ITGA9: variants seen among roughly 807,000 people sequenced by gnomAD.
ITGA9 encodes the protein integrin alpha-9.
In ITGA9, 56 loss-of-function variants were observed where a neutral mutation model predicts 127.8. The observed-to-expected ratio is 0.44, with a 90% CI of 0.35 to 0.55. The LOEUF (loss-of-function observed/expected upper bound fraction) is 0.55, where lower values mean the gene tolerates loss of function less well. Among genes scored for constraint, ITGA9 ranks in the 20% least tolerant of loss-of-function variants. The pLI, the probability that ITGA9 is intolerant of heterozygous loss-of-function variation, is 0.00. For synonymous variants in ITGA9, 508 were observed against 514.5 expected (o/e 0.99, Z 0.17); for missense variants, 1,196 against 1,347.1 (o/e 0.89, Z 1.76).
At chr3:37,780,107 G>A (rs1696958947) in intron 25 of ITGA9, 86 bp downstream of exon 25, 1 of 1,539,844 alleles carries the variant, frequency 6.5e-7, no homozygotes. Flanking sequence ...AAAGGAAAAA[G>A]GAAAGCATTT....
intron 21 of ITGA9, 137 bp from the exon 22 acceptor site, chr3:37,743,789 G>A (rs956411393): frequency 1.4e-6 from 1 of 721,126 alleles, no homozygotes; most frequent in African/African-American, 1.7e-5. Flanking sequence ...GACTGGCTAT[G>A]TAACAGCCCC....
intron 15 of ITGA9, among the ~76,000 whole-genome samples, chr3:37,581,265 G>A (rs1699707089): frequency 6.6e-6 from 1 of 152,198 alleles, no homozygotes; most frequent in South Asian, 2.1e-4. Context: ...GGGAACAGAC[G>A]GAAGCAGTGA....
intron 15 of ITGA9, among the ~76,000 whole-genome samples, chr3:37,586,514 G>A (rs930535982): frequency 1.3e-5 from 2 of 152,194 alleles, no homozygotes; most frequent in Admixed American, 6.5e-5. Context: ...TTTTAGGAAT[G>A]CCATTTGGCA....
intron 10 of ITGA9, among the ~76,000 whole-genome samples, chr3:37,517,999 A>G (rs529996246): frequency 6.6e-6 from 1 of 152,200 alleles, no homozygotes; most frequent in South Asian, 2.1e-4. Flanking sequence ...ATGCTCTACC[A>G]TGTTGATGGG....
chr3:37,505,428 A>C (rs942624997), intron 6 of ITGA9, among the ~76,000 whole-genome samples: 4 of 152,240 alleles, frequency 2.6e-5, no homozygotes, highest in Non-Finnish European at 5.9e-5. Context: ...ATTACTCAAT[A>C]ATAAAAAGAA....
chr3:37,722,525 G>A (rs1356336588), intron 18 of ITGA9, among the ~76,000 whole-genome samples: 2 of 152,256 alleles, frequency 1.3e-5, no homozygotes, highest in African/African-American at 4.8e-5. Flanking sequence ...CTCTAGATTT[G>A]CCTATTCTGG....
intron 14 of ITGA9, 98 bp from the exon 15 acceptor site, chr3:37,542,327 A>G (rs1699281153): frequency 3.9e-6 from 5 of 1,292,464 alleles, no homozygotes; most frequent in Non-Finnish European, 5.6e-6. Flanking sequence ...GGTAGGTATC[A>G]TATGAGATGT....
At position 37,519,286 on chromosome 3, in the gene ITGA9, G is replaced by A. The variant is rs1699020674; in HGVS notation, c.1168G>A (p.Asp390Asn). The A allele has an allele frequency of 1.2e-6, 2 of 1,614,044 alleles. No individual in the cohort carries two copies. The highest frequency in any genetic ancestry group is 1.7e-5 in the Admixed American group (1 of 60,012). Reference sequence around the variant, plus strand: ...TGTGGCCATTGGTGCACCCAAGGAGGATGACTTCGCAGGGGCGGTCTATAT... The same window carrying A: ...TGTGGCCATTGGTGCACCCAAGGAGAATGACTTCGCAGGGGCGGTCTATAT... Reference protein sequence around the residue: ...PDVAIGAPKEDDFAGAVYIYH... With the variant: ...PDVAIGAPKENDFAGAVYIYH... Residue 390 changes from aspartate to asparagine, a missense_variant, in exon 11 of 28, where the codon GAT becomes AAT. Physicochemically the swap from Asp to Asn is conservative, Grantham distance 23 (BLOSUM62 1). Transcript: ENST00000264741.
chr3:37,524,671 C>A (rs1159295217), intron 12 of ITGA9, among the ~76,000 whole-genome samples: 1 of 152,134 alleles, frequency 6.6e-6, no homozygotes, highest in Admixed American at 6.5e-5. Context: ...CTCGCAGTGA[C>A]CCCAGCAGGT....
At chr3:37,702,547 A>G (rs910377234) in intron 18 of ITGA9, among the ~76,000 whole-genome samples, 1 of 152,082 alleles carries the variant, frequency 6.6e-6, no homozygotes. Context: ...TTCTGTTTGC[A>G]GTGACTCCCC....
intron 16 of ITGA9, among the ~76,000 whole-genome samples, chr3:37,635,016 C>T (rs577392017): frequency 6.6e-6 from 1 of 152,124 alleles, no homozygotes; most frequent in Non-Finnish European, 1.5e-5. Flanking sequence ...TGAAATAATT[C>T]AAAGGGAAAT....
At position 37,818,947 on chromosome 3, in the gene ITGA9, A is replaced by G. The variant is rs144041543; in HGVS notation, c.3066A>G (p.Lys1022=). Residue 1022 remains lysine (K), a synonymous_variant, in exon 28 of 28, where the codon AAA becomes AAG. Coordinates refer to ENST00000264741, the MANE Select transcript of ITGA9 (RefSeq NM_002207.3). ...TTATCGAAGCTGAGAAGAACCGGAAAGAGAATGAAGACAGTTGGGACTGGG... is the reference window on the plus strand; with the variant it reads ...TTATCGAAGCTGAGAAGAACCGGAAGGAGAATGAAGACAGTTGGGACTGGG... ...KEIIEAEKNR[K]ENEDSWDWVQ... is the part of the protein sequence containing the mutation. 152 of 1,614,084 alleles carry G rather than the reference A, an allele frequency of 9.4e-5. No individual in the cohort carries two copies. The highest frequency in any genetic ancestry group is 1.6e-4 in the Middle Eastern group (1 of 6,082).
chr3:37,637,819 C>T (rs1700295592), intron 16 of ITGA9, among the ~76,000 whole-genome samples: 1 of 152,118 alleles, frequency 6.6e-6, no homozygotes, highest in Non-Finnish European at 1.5e-5. Flanking sequence ...ATTACAGGTG[C>T]ACGCCACTAT....
At chr3:37,731,895 G>T (rs938464031) in intron 18 of ITGA9, among the ~76,000 whole-genome samples, 6 of 152,196 alleles carry the variant, frequency 3.9e-5, no homozygotes, top group African/African-American at 2.4e-5. Context: ...TCATCCACCT[G>T]TCTAGATGCC....
intron 18 of ITGA9, among the ~76,000 whole-genome samples, chr3:37,701,716 A>G (rs956462647): frequency 1.3e-5 from 2 of 152,234 alleles, no homozygotes; most frequent in Admixed American, 6.5e-5. Context: ...CTGGAGGAAC[A>G]TCAGTGGGGT....
At chr3:37,653,689 C>T (rs763005813) in intron 16 of ITGA9, 25 bp from the exon 17 acceptor site, 3 of 1,578,548 alleles carry the variant, frequency 1.9e-6, no homozygotes, top group Non-Finnish European at 2.6e-6. Flanking sequence ...CCTGCCCTAA[C>T]CTTCCTCTCC....
intron 18 of ITGA9, among the ~76,000 whole-genome samples, chr3:37,716,334 G>A (rs1449781432): frequency 6.6e-6 from 1 of 152,046 alleles, no homozygotes; most frequent in Admixed American, 6.6e-5. Context: ...ATGGTATGCA[G>A]CCAGTCCAGC....
chr3:37,567,971 T>C (rs1699564041), intron 15 of ITGA9, among the ~76,000 whole-genome samples: 1 of 152,122 alleles, frequency 6.6e-6, no homozygotes, highest in African/African-American at 2.4e-5. Context: ...TTCTCACAGC[T>C]CCACTAGGCA....
Position 37,551,012 on chromosome 3 carries a change from A to T in ITGA9, c.1689+8427A>T, listed in dbSNP as rs78295356. On this transcript the variant is annotated intron_variant, in intron 15 of 27. Transcript: ENST00000264741. ...CACTCAAGTCATGCCTGATACACAG[A>T]TGTTTGATTATCAGAGTCTTTTTTC... Among the ~76,000 whole-genome samples, 52 of 152,302 alleles carry T rather than the reference A, an allele frequency of 3.4e-4. No homozygotes were observed. In the East Asian group the frequency reaches 9.6e-3, roughly 28 times the overall value.
Sources: allele counts gnomAD v4.1 joint callset (sites outside exome capture counted in the v4.1 genomes callset), GRCh38; gene constraint gnomAD v4.1.1; transcripts MANE v1.5; gene names NCBI Gene and HGNC (gene_info 2026-07-23, HGNC 2026-07-21).